CDC42SE2: variants seen among roughly 807,000 people sequenced by gnomAD.
The protein encoded by CDC42SE2 is CDC42 small effector protein 2.
In CDC42SE2, 3 loss-of-function variants were observed where a neutral mutation model predicts 11.5. The observed-to-expected ratio is 0.26, with a 90% CI of 0.12 to 0.67. CDC42SE2 has a LOEUF of 0.67. CDC42SE2 is among the 30% of genes least tolerant of loss of function. The pLI, the probability that CDC42SE2 is intolerant of heterozygous loss-of-function variation, is 0.80. For synonymous variants in CDC42SE2, 33 were observed against 34.8 expected (o/e 0.95, Z 0.18); for missense variants, 82 against 106.8 (o/e 0.77, Z 1.02).
intron 1 of CDC42SE2, among the ~76,000 whole-genome samples, chr5:131,309,840 T>C (rs1321363947): frequency 1.3e-5 from 2 of 152,128 alleles, no homozygotes; most frequent in African/African-American, 2.4e-5. Context: ...TCTCTCTTTT[T>C]TTCTTTATTA....
chr5:131,226,306 G>A, the CDC42SE2 span, among the ~76,000 whole-genome samples: 9 of 152,194 alleles, frequency 5.9e-5, no homozygotes, highest in Admixed American at 3.9e-4. Flanking sequence ...ATTTGAATAA[G>A]CAGGAAAGCT....
At chr5:131,350,637 G>GTGTGTATA (rs147203202) in intron 2 of CDC42SE2, among the ~76,000 whole-genome samples, 41 of 147,710 alleles carry the variant, frequency 2.8e-4, no homozygotes, top group African/African-American at 9.5e-4. Context: ...GTGTGTGTGT[G>GTGTGTATA]TATATATATA....
intron 3 of CDC42SE2, among the ~76,000 whole-genome samples, chr5:131,368,473 C>T (rs1218231855): frequency 2.6e-5 from 4 of 152,018 alleles, no homozygotes; most frequent in South Asian, 2.1e-4. Context: ...CACCTTTTGT[C>T]GTGTTTTGGC....
At chr5:131,366,571 GT>G (rs554625274) in intron 3 of CDC42SE2, among the ~76,000 whole-genome samples, 1 of 151,384 alleles carries the variant, frequency 6.6e-6, no homozygotes, top group South Asian at 2.1e-4. Context: ...TTGTTTTTTT[GT>G]TTTTTTTACT....
chr5:131,272,211 C>T (rs1580723441), intron 1 of CDC42SE2, among the ~76,000 whole-genome samples: 2 of 152,008 alleles, frequency 1.3e-5, no homozygotes, highest in East Asian at 1.9e-4. Context: ...GACAGGGTTT[C>T]ACCACGTTGG....
At chr5:131,343,245 A>G (rs1396694738) in intron 2 of CDC42SE2, among the ~76,000 whole-genome samples, 2 of 152,118 alleles carry the variant, frequency 1.3e-5, no homozygotes, top group African/African-American at 4.8e-5. Flanking sequence ...ACTGCAAGAG[A>G]TGCTTATTAG....
chr5:131,335,619 A>G (rs575051650), intron 2 of CDC42SE2, among the ~76,000 whole-genome samples: 1 of 152,070 alleles, frequency 6.6e-6, no homozygotes, highest in Non-Finnish European at 1.5e-5. Flanking sequence ...TTTGTAGGTC[A>G]CTTAAGGACT....
chr5:131,292,749 TAATA>T (rs1228059134), intron 1 of CDC42SE2, among the ~76,000 whole-genome samples: 3 of 149,528 alleles, frequency 2.0e-5, no homozygotes. Flanking sequence ...ATAAAAATAA[TAATA>T]AAATAAAAAT....
At chr5:131,274,265 C>A (rs929266017) in intron 1 of CDC42SE2, among the ~76,000 whole-genome samples, 1 of 152,112 alleles carries the variant, frequency 6.6e-6, no homozygotes, top group South Asian at 2.1e-4. Context: ...GTCCCCATTC[C>A]CGTCTTCCTC....
intron 1 of CDC42SE2, among the ~76,000 whole-genome samples, chr5:131,281,076 A>C (rs1324035981): frequency 6.6e-6 from 1 of 152,196 alleles, no homozygotes; most frequent in Admixed American, 6.5e-5. Flanking sequence ...AGCAATTGTA[A>C]AAGCAAATCA....
rs1561599449 is a variant in CDC42SE2, at chr5:131,363,339, A to AT, written c.54+3798dup. Among the ~76,000 whole-genome samples the AT allele has an allele frequency of 4.0e-5, 6 of 150,524 alleles. No individual in the cohort carries two copies. In the South Asian group the frequency reaches 1.3e-3, roughly 31 times the overall value. ...TCTAATGGTTTCCCACATAGCACTG[A>AT]TTTTTTGTAATGCTGCTTGTATCTG... On this transcript the variant is annotated intron_variant, in intron 3 of 4. Coordinates refer to ENST00000505065, the MANE Select transcript of CDC42SE2 (RefSeq NM_001375635.1).
At chr5:131,229,501 C>T in the CDC42SE2 span, among the ~76,000 whole-genome samples, 11 of 152,104 alleles carry the variant, frequency 7.2e-5, no homozygotes, top group East Asian at 9.7e-4. Context: ...GCAATTCTCC[C>T]GCCTCAGCCT....
chr5:131,385,716 A>C (rs934467977), intron 4 of CDC42SE2, 72 bp downstream of exon 4: 1 of 846,918 alleles, frequency 1.2e-6, no homozygotes, highest in African/African-American at 1.7e-5. Context: ...GACAGGCACA[A>C]GCATTTTTAA....
At chr5:131,220,432 C>T in the CDC42SE2 span, among the ~76,000 whole-genome samples, 1 of 152,096 alleles carries the variant, frequency 6.6e-6, no homozygotes, top group Non-Finnish European at 1.5e-5. Context: ...GTCTCGATCT[C>T]CTGACCTCGT....
intron 3 of CDC42SE2, among the ~76,000 whole-genome samples, chr5:131,363,800 A>G (rs1749780162): frequency 6.6e-6 from 1 of 151,048 alleles, no homozygotes. Flanking sequence ...GGTTCAGACA[A>G]TTCTCCTGCC....
At chr5:131,217,209 T>A in the CDC42SE2 span, among the ~76,000 whole-genome samples, 1 of 152,250 alleles carries the variant, frequency 6.6e-6, no homozygotes, top group Non-Finnish European at 1.5e-5. Flanking sequence ...TATGGCTACT[T>A]TCTTTGGCTA....
At chr5:131,281,469 G>A (rs1279450046) in intron 1 of CDC42SE2, among the ~76,000 whole-genome samples, 1 of 152,138 alleles carries the variant, frequency 6.6e-6, no homozygotes, top group Non-Finnish European at 1.5e-5. Context: ...GCCTCTGTTG[G>A]AAGGTAAAGT....
rs1750145903 is a variant in CDC42SE2 at position 131,376,112 on chromosome 5, GC to G, written c.55-9429del. On this transcript the variant is annotated intron_variant, in intron 3 of 4. Coordinates refer to ENST00000505065, the MANE Select transcript of CDC42SE2 (RefSeq NM_001375635.1). The stretch of plus-strand genomic sequence containing the variant: ...AAATTAGATGGGCATGGTGGTGCAT[GC>G]CTGTAATTCCAGCTACTCGGGAGGC... 4.6e-5 allele frequency among the ~76,000 whole-genome samples: 7 copies of G among 152,194 alleles called. No individual in the cohort carries two copies. The South Asian group carries it at 1.2e-3, about 27-fold the overall frequency.
chr5:131,289,019 T>C (rs1757397301), intron 1 of CDC42SE2, among the ~76,000 whole-genome samples: 1 of 152,252 alleles, frequency 6.6e-6, no homozygotes, highest in African/African-American at 2.4e-5. Context: ...TCCTGTATTC[T>C]ATACATTTTT....
Sources: gnomAD v4.1 joint callset for allele counts (sites outside exome capture counted in the v4.1 genomes callset) on GRCh38, gnomAD v4.1.1 for gene constraint, MANE v1.5 for transcripts, NCBI Gene and HGNC (gene_info 2026-07-23, HGNC 2026-07-21) for gene names.